SUPT3H: variants seen among roughly 807,000 people sequenced by gnomAD.
SUPT3H encodes transcription initiation protein SPT3 homolog.
In SUPT3H, 44 loss-of-function variants were observed where a neutral mutation model predicts 44.3. The ratio of observed to expected loss-of-function variants is 0.99; its 90% CI spans 0.78 to 1.28. SUPT3H has a LOEUF of 1.28. Among genes scored for constraint, SUPT3H ranks in the 50% most tolerant of loss-of-function variants. The pLI is 0.00. For synonymous variants in SUPT3H, 124 were observed against 125.6 expected (o/e 0.99, Z 0.09); for missense variants, 380 against 387.1 (o/e 0.98, Z 0.15).
At chr6:45,214,056 A>T (rs1202624263) in intron 2 of SUPT3H, among the ~76,000 whole-genome samples, 1 of 150,442 alleles carries the variant, frequency 6.6e-6, no homozygotes. Flanking sequence ...GACTAAAAGC[A>T]ATTAACTCCA....
At chr6:45,045,614 C>G (rs1360395150) in intron 3 of SUPT3H, among the ~76,000 whole-genome samples, 1 of 152,164 alleles carries the variant, frequency 6.6e-6, no homozygotes, top group Non-Finnish European at 1.5e-5. Context: ...ATGACTTCCT[C>G]TCTTCCTATT....
intron 3 of SUPT3H, among the ~76,000 whole-genome samples, chr6:45,093,230 AT>A (rs1414389629): frequency 6.6e-6 from 1 of 152,144 alleles, no homozygotes; most frequent in Non-Finnish European, 1.5e-5. Flanking sequence ...TGCTAATTAT[AT>A]TTTTATAAAA....
chr6:45,193,670 C>T (rs1036917938), intron 2 of SUPT3H, among the ~76,000 whole-genome samples: 13 of 151,986 alleles, frequency 8.6e-5, no homozygotes, highest in Middle Eastern at 3.2e-3. Context: ...GAGCTGAGAT[C>T]GTGTCATTGC....
At chr6:45,231,760 A>G (rs1344761726) in intron 2 of SUPT3H, among the ~76,000 whole-genome samples, 3 of 152,214 alleles carry the variant, frequency 2.0e-5, no homozygotes, top group African/African-American at 7.2e-5. Context: ...TGGTGTCCAT[A>G]TATCATGAAC....
chr6:44,983,218 T>C (rs1321587674), intron 6 of SUPT3H, among the ~76,000 whole-genome samples: 2 of 152,166 alleles, frequency 1.3e-5, no homozygotes, highest in Non-Finnish European at 2.9e-5. Context: ...TAGATCACCA[T>C]AGCCTCATAC....
chr6:45,240,542 C>T (rs554890341), intron 2 of SUPT3H, among the ~76,000 whole-genome samples: 2 of 152,170 alleles, frequency 1.3e-5, no homozygotes, highest in South Asian at 4.1e-4. Context: ...CAGAATTGGA[C>T]CTGGCCAGAA....
At chr6:44,844,293 G>C (rs1771505562) in intron 10 of SUPT3H, among the ~76,000 whole-genome samples, 1 of 151,986 alleles carries the variant, frequency 6.6e-6, no homozygotes, top group Admixed American at 6.6e-5. Context: ...AATTCTAGAA[G>C]AAATAGGACA....
intron 2 of SUPT3H, among the ~76,000 whole-genome samples, chr6:45,256,579 C>A (rs1171431885): frequency 6.6e-6 from 1 of 152,064 alleles, no homozygotes; most frequent in African/African-American, 2.4e-5. Flanking sequence ...CTCTCCACCC[C>A]CCACCCTCCC....
intron 2 of SUPT3H, among the ~76,000 whole-genome samples, chr6:45,234,830 A>C (rs1368208082): frequency 6.6e-6 from 1 of 152,180 alleles, no homozygotes; most frequent in East Asian, 1.9e-4. Flanking sequence ...TCTGCTGATC[A>C]GAAACTGTTC....
chr6:45,144,135 C>G (rs1194238342), intron 2 of SUPT3H, among the ~76,000 whole-genome samples: 1 of 152,008 alleles, frequency 6.6e-6, no homozygotes, highest in African/African-American at 2.4e-5. Flanking sequence ...GAACTGACGC[C>G]ACTTAGTGAA....
intron 5 of SUPT3H, among the ~76,000 whole-genome samples, chr6:45,004,241 A>C (rs1374684145): frequency 1.3e-5 from 2 of 152,108 alleles, no homozygotes; most frequent in Non-Finnish European, 2.9e-5. Flanking sequence ...GACCAAAAAC[A>C]CTAAAGGAGA....
chr6:45,012,072 T>C (rs776684383), intron 5 of SUPT3H, among the ~76,000 whole-genome samples: 4 of 151,902 alleles, frequency 2.6e-5, no homozygotes, highest in Non-Finnish European at 5.9e-5. Context: ...TGCTTTTTTC[T>C]TGTGACTTTC....
At chr6:44,837,984 T>C (rs761154983) in intron 10 of SUPT3H, among the ~76,000 whole-genome samples, 6 of 152,190 alleles carry the variant, frequency 3.9e-5, no homozygotes, top group Non-Finnish European at 8.8e-5. Flanking sequence ...TAAAACACCA[T>C]ACAAGGAGTA....
chr6:45,020,381 T>C (rs1189155722), intron 4 of SUPT3H, among the ~76,000 whole-genome samples, 165 bp downstream of exon 4: 3 of 151,962 alleles, frequency 2.0e-5, no homozygotes, highest in African/African-American at 7.2e-5. Context: ...TAAATATCAA[T>C]TCTTTTGTAA....
chr6:45,108,550 T>C (rs905138615), intron 2 of SUPT3H, among the ~76,000 whole-genome samples: 1 of 152,116 alleles, frequency 6.6e-6, no homozygotes, highest in Non-Finnish European at 1.5e-5. Context: ...AATATATTAA[T>C]ATAACTACAT....
intron 2 of SUPT3H, chr6:45,321,857 C>T (rs1278682563): frequency 6.3e-7 from 1 of 1,595,752 alleles, no homozygotes; most frequent in Non-Finnish European, 8.5e-7. Flanking sequence ...ACTGATTTTC[C>T]AATTATTTCT....
chr6:44,958,546 A>G (rs1775545395), intron 7 of SUPT3H, among the ~76,000 whole-genome samples: 1 of 152,138 alleles, frequency 6.6e-6, no homozygotes, highest in African/African-American at 2.4e-5. Flanking sequence ...TTTATGGGCA[A>G]CTACTTGGGC....
intron 2 of SUPT3H, among the ~76,000 whole-genome samples, chr6:45,120,241 G>T (rs1385288816): frequency 6.6e-6 from 1 of 151,666 alleles, no homozygotes; most frequent in Admixed American, 6.6e-5. Context: ...AGAGACTTCG[G>T]AAGTAATTTA....
At chr6:44,810,550 A>G (rs947232474) in intron 11 of SUPT3H, among the ~76,000 whole-genome samples, 2 of 152,194 alleles carry the variant, frequency 1.3e-5, no homozygotes, top group Middle Eastern at 3.4e-3. Context: ...AAAAGAGGAA[A>G]AAATATCACC....
Sources: allele counts gnomAD v4.1 joint callset (sites outside exome capture counted in the v4.1 genomes callset), GRCh38; gene constraint gnomAD v4.1.1; transcripts MANE v1.5; gene names NCBI Gene and HGNC (gene_info 2026-07-23, HGNC 2026-07-21).